The following SLC2A13 variants were observed in gnomAD, a reference collection of about 807,000 sequenced individuals.
The protein encoded by SLC2A13 is solute carrier family 2 member 13.
Under a neutral mutation model 64.4 loss-of-function variants are expected in SLC2A13, and 32 were observed. The observed-to-expected ratio is 0.50, with a 90% confidence interval of 0.37 to 0.67. SLC2A13 has a LOEUF of 0.67. Among genes scored for constraint, SLC2A13 ranks in the 30% least tolerant of loss-of-function variants. SLC2A13 has a pLI of 0.00. For missense variants in SLC2A13, 743 were observed against 829.2 expected (o/e 0.90, Z 1.28); for synonymous variants, 338 against 327.1 (o/e 1.03, Z -0.36).
chr12:39,772,442 A>G (rs1010276751), intron 7 of SLC2A13, among the ~76,000 whole-genome samples: 1 of 152,154 alleles, frequency 6.6e-6, no homozygotes, highest in Non-Finnish European at 1.5e-5. Flanking sequence ...ATTGTCCATC[A>G]TAATACCCTA....
intron 6 of SLC2A13, among the ~76,000 whole-genome samples, chr12:39,851,743 T>G (rs1447286271): frequency 6.6e-6 from 1 of 152,240 alleles, no homozygotes; most frequent in Non-Finnish European, 1.5e-5. Flanking sequence ...ATATGGAATA[T>G]TTAAGACATG....
At chr12:39,855,661 C>T (rs1288555433) in intron 6 of SLC2A13, among the ~76,000 whole-genome samples, 2 of 152,188 alleles carry the variant, frequency 1.3e-5, no homozygotes, top group Non-Finnish European at 2.9e-5. Flanking sequence ...TAATTAACTA[C>T]AAATGTGCAT....
chr12:40,089,491 T>C (rs1193267553), intron 1 of SLC2A13, among the ~76,000 whole-genome samples: 2 of 152,220 alleles, frequency 1.3e-5, no homozygotes, highest in Admixed American at 6.5e-5. Context: ...TTCTCAATTG[T>C]AATCAATAAA....
intron 6 of SLC2A13, among the ~76,000 whole-genome samples, chr12:39,838,436 A>G (rs1427277542): frequency 6.7e-6 from 1 of 149,994 alleles, no homozygotes; most frequent in Non-Finnish European, 1.5e-5. Flanking sequence ...GCACATGTAT[A>G]CATATGTAAC....
At chr12:39,915,065 A>G (rs1945501148) in intron 4 of SLC2A13, among the ~76,000 whole-genome samples, 2 of 152,132 alleles carry the variant, frequency 1.3e-5, no homozygotes, top group South Asian at 4.1e-4. Flanking sequence ...AGAAAAGGTC[A>G]GGAAAACCAA....
At chr12:40,005,361 G>C (rs1947397480) in intron 3 of SLC2A13, among the ~76,000 whole-genome samples, 1 of 152,144 alleles carries the variant, frequency 6.6e-6, no homozygotes, top group Non-Finnish European at 1.5e-5. Context: ...TTTAGTATTA[G>C]TGCAGGCATC....
chr12:39,953,387 T>C (rs927608017), intron 3 of SLC2A13, among the ~76,000 whole-genome samples: 1 of 152,190 alleles, frequency 6.6e-6, no homozygotes, highest in Non-Finnish European at 1.5e-5. Context: ...GCTGCACATC[T>C]GATTATGCAT....
chr12:39,876,570 A>C (rs1944189476), intron 4 of SLC2A13, among the ~76,000 whole-genome samples: 1 of 152,210 alleles, frequency 6.6e-6, no homozygotes, highest in South Asian at 2.1e-4. Context: ...CTAAATTAAA[A>C]ATTAAAGACT....
intron 6 of SLC2A13, among the ~76,000 whole-genome samples, chr12:39,857,020 G>A (rs1368597155): frequency 6.6e-6 from 1 of 152,184 alleles, no homozygotes; most frequent in Non-Finnish European, 1.5e-5. Flanking sequence ...GCTATTTTAA[G>A]TGGATTTACT....
At chr12:40,103,954 G>T (rs547133070) in intron 1 of SLC2A13, among the ~76,000 whole-genome samples, 2 of 152,324 alleles carry the variant, frequency 1.3e-5, no homozygotes, top group African/African-American at 4.8e-5. Context: ...AACAGCAAAA[G>T]GAAGGTCACT....
At chr12:39,960,106 T>C (rs1225557004) in intron 3 of SLC2A13, among the ~76,000 whole-genome samples, 1 of 152,222 alleles carries the variant, frequency 6.6e-6, no homozygotes, top group East Asian at 1.9e-4. Context: ...TAAATATATC[T>C]TTATTGGGGT....
intron 1 of SLC2A13, among the ~76,000 whole-genome samples, chr12:40,093,948 T>G (rs1938849534): frequency 6.6e-6 from 1 of 152,176 alleles, no homozygotes; most frequent in East Asian, 1.9e-4. Context: ...CTGGCTCTCA[T>G]GTGTATAAAA....
intron 1 of SLC2A13, among the ~76,000 whole-genome samples, chr12:40,077,455 T>C (rs903239804): frequency 6.6e-6 from 1 of 152,204 alleles, no homozygotes; most frequent in African/African-American, 2.4e-5. Flanking sequence ...AAAGATCAGA[T>C]GGTTGTCAGT....
At chr12:39,891,206 C>CAT (rs1007458107) in intron 4 of SLC2A13, among the ~76,000 whole-genome samples, 1 of 150,274 alleles carries the variant, frequency 6.7e-6, no homozygotes, top group African/African-American at 2.5e-5. Context: ...CCAGTCTCTC[C>CAT]ATCATTATTT....
In SLC2A13 at chr12:40,105,532, A is replaced by C; in HGVS notation, c.277T>G (p.Phe93Val). ...ACCCCGGTGTCATAGCCAAACAGGA[A>C]GCCGCCCAGCGCGGAGAAGACGGCC... ...VVAVFSALGG[F>V]LFGYDTGVVS... The change falls in exon 1 of 10, where the codon TTC becomes GTC. Residue 93 changes from phenylalanine to valine, a missense_variant. By Grantham distance (50) the Phe-to-Val change is conservative. Transcript: ENST00000280871. The surrounding 1 kb of genome is among the most constrained non-coding windows in gnomAD (Gnocchi z 4.2). The C allele has an allele frequency of 6.3e-7, 1 of 1,582,786 alleles. No individual in the cohort carries two copies. The highest frequency in any genetic ancestry group is 8.6e-7 in the Non-Finnish European group (1 of 1,167,232).
intron 1 of SLC2A13, among the ~76,000 whole-genome samples, chr12:40,058,731 T>C (rs1948372460): frequency 6.6e-6 from 1 of 152,210 alleles, no homozygotes; most frequent in South Asian, 2.1e-4. Context: ...AACAAACTTT[T>C]TCCTGTAGGG....
rs566101028 is a variant in SLC2A13, at chr12:39,885,849, C to G, written c.1035-13888G>C. ...CCTCTTTGTCCAGCTCCAGCCTCCT[C>G]CTACCCAGGATTCTGATTCATTTCA... is the stretch of plus-strand genomic sequence containing the variant. On this transcript the variant is annotated intron_variant, in intron 4 of 9. Transcript: ENST00000280871. Among the ~76,000 whole-genome samples the G allele has an allele frequency of 4.6e-5, 7 of 152,280 alleles. No individual in the cohort carries two copies. The South Asian group carries it at 1.4e-3, about 32-fold the overall frequency.
At chr12:39,802,800 C>T (rs78612837) in intron 7 of SLC2A13, among the ~76,000 whole-genome samples, 10,578 of 152,146 alleles carry the variant, frequency 0.07, 477 homozygotes, top group Non-Finnish European at 0.095. Flanking sequence ...ACTATATCTC[C>T]ATCCTGAGAA....
At chr12:39,799,068 TTTTTTTTTTTTCC>T (rs1188533051) in intron 7 of SLC2A13, among the ~76,000 whole-genome samples, 8 of 150,892 alleles carry the variant, frequency 5.3e-5, no homozygotes, top group African/African-American at 1.7e-4. Flanking sequence ...TGTTCTGGTT[TTTTTTTTTTTTCC>T]TTTTTTTTTT....
Sources: gnomAD v4.1 joint callset for allele counts (sites outside exome capture counted in the v4.1 genomes callset) on GRCh38, gnomAD v4.1.1 for gene constraint, Gnocchi (gnomAD v3.1) non-coding constraint, MANE v1.5 for transcripts, NCBI Gene and HGNC (gene_info 2026-07-23, HGNC 2026-07-21) for gene names.